The following GNAQ variants were observed in gnomAD, a reference collection of about 807,000 sequenced individuals.
GNAQ encodes the protein G protein subunit alpha q.
GNAQ carries 8 observed loss-of-function variants against 43.9 expected under a neutral mutation model. The observed-to-expected ratio is 0.18, with a 90% CI of 0.11 to 0.33. The LOEUF (loss-of-function observed/expected upper bound fraction) is 0.33, where lower values mean the gene tolerates loss of function less well. Ranked by LOEUF, GNAQ falls within the 10% of genes least tolerant of loss-of-function variation. The pLI, the probability that GNAQ is intolerant of heterozygous loss-of-function variation, is 1.00. For synonymous variants in GNAQ, 155 were observed against 170.7 expected (o/e 0.91, Z 0.71); for missense variants, 158 against 450.8 (o/e 0.35, Z 5.88).
chr9:77,934,010 GAAC>G, intron 1 of GNAQ, among the ~76,000 whole-genome samples: 1 of 152,248 alleles, frequency 6.6e-6, no homozygotes, highest in Non-Finnish European at 1.5e-5. Flanking sequence ...CCTCAAAAGA[GAAC>G]AACAAATTAC....
intron 2 of GNAQ, among the ~76,000 whole-genome samples, chr9:77,863,204 A>AAGGAAGGAAGGAAGGG (rs1395280871): frequency 6.6e-6 from 1 of 150,558 alleles, no homozygotes; most frequent in African/African-American, 2.5e-5. Context: ...GGAAGGAAGG[A>AAGGAAGGAAGGAAGGG]AGGAAGGAAG....
chr9:77,889,722 GCC>G (rs1184967567), intron 2 of GNAQ, among the ~76,000 whole-genome samples: 8 of 152,024 alleles, frequency 5.3e-5, no homozygotes, highest in Non-Finnish European at 1.0e-4. Context: ...AATGAGTCCT[GCC>G]CACTGTATTC....
intron 3 of GNAQ, among the ~76,000 whole-genome samples, chr9:77,799,491 T>C (rs1344223867): frequency 6.6e-6 from 1 of 152,206 alleles, no homozygotes; most frequent in Non-Finnish European, 1.5e-5. Context: ...ATGTGTTGGA[T>C]GGATTGATGG....
At position 77,941,255 on chromosome 9, in the gene GNAQ, C is replaced by T. The variant is rs372617305; in HGVS notation, c.137-18910G>A. On this transcript the variant is annotated intron_variant, in intron 1 of 6. Coordinates refer to ENST00000286548, the MANE Select transcript of GNAQ (RefSeq NM_002072.5). ...AAAAACTCAACAATAGCTACCATAT[C>T]TTTTTTTTTTTTGAGACAGAGTCTC... Among the ~76,000 whole-genome samples the T allele has an allele frequency of 6.4e-4, 93 of 145,934 alleles. 1 individual carries two copies. In the East Asian group the frequency reaches 0.018, roughly 29 times the overall value.
chr9:77,901,312 A>G (rs528617789), intron 2 of GNAQ, among the ~76,000 whole-genome samples: 34 of 152,230 alleles, frequency 2.2e-4, no homozygotes, highest in South Asian at 2.1e-3. Flanking sequence ...GGCTCTTTAC[A>G]ATACAATTCC....
At chr9:77,765,039 T>G (rs937129891) in intron 5 of GNAQ, among the ~76,000 whole-genome samples, 1 of 152,196 alleles carries the variant, frequency 6.6e-6, no homozygotes, top group African/African-American at 2.4e-5. Context: ...GGAATTTGTC[T>G]TCGGTTTTAT....
intron 1 of GNAQ, among the ~76,000 whole-genome samples, chr9:78,005,677 G>A (rs1823696696): frequency 6.6e-6 from 1 of 152,156 alleles, no homozygotes; most frequent in Non-Finnish European, 1.5e-5. Context: ...ACTTGGTGCA[G>A]TAGTGCATGG....
At chr9:77,878,917 A>G (rs1485386321) in intron 2 of GNAQ, among the ~76,000 whole-genome samples, 2 of 151,984 alleles carry the variant, frequency 1.3e-5, no homozygotes. Flanking sequence ...GTGGTGGTAC[A>G]TGCCTGTAAT....
intron 2 of GNAQ, among the ~76,000 whole-genome samples, chr9:77,919,672 T>C (rs779376349): frequency 6.6e-6 from 1 of 152,194 alleles, no homozygotes; most frequent in Non-Finnish European, 1.5e-5. Flanking sequence ...TCATTTGTAA[T>C]ATGAATGAAA....
At chr9:78,023,806 C>T (rs1447531287) in intron 1 of GNAQ, among the ~76,000 whole-genome samples, 1 of 151,014 alleles carries the variant, frequency 6.6e-6, no homozygotes, top group Non-Finnish European at 1.5e-5. Flanking sequence ...AGGCTATCTC[C>T]TAGAAATATA....
chr9:77,926,358 G>A (rs955085811), intron 1 of GNAQ, among the ~76,000 whole-genome samples: 2 of 151,978 alleles, frequency 1.3e-5, no homozygotes, highest in African/African-American at 4.8e-5. Context: ...TGTTTCCTAA[G>A]GCCACATGAA....
chr9:77,962,084 CAT>C (rs966635124), intron 1 of GNAQ, among the ~76,000 whole-genome samples: 7 of 151,796 alleles, frequency 4.6e-5, no homozygotes, highest in South Asian at 4.2e-4. Context: ...GAAAAGAAAA[CAT>C]ATGTGAACCT....
chr9:77,829,344 A>AT (rs1827259762), intron 2 of GNAQ, among the ~76,000 whole-genome samples: 2 of 152,084 alleles, frequency 1.3e-5, no homozygotes, highest in South Asian at 2.1e-4. Context: ...ATAATTCAAC[A>AT]TTTTTTGAGG....
intron 2 of GNAQ, among the ~76,000 whole-genome samples, chr9:77,834,918 G>A (rs1827359083): frequency 6.6e-6 from 1 of 152,176 alleles, no homozygotes; most frequent in Non-Finnish European, 1.5e-5. Flanking sequence ...GCCAAGGGCT[G>A]TCACCATACT....
intron 1 of GNAQ, among the ~76,000 whole-genome samples, chr9:78,026,675 G>C (rs1486716979): frequency 2.6e-5 from 4 of 152,092 alleles, no homozygotes; most frequent in Non-Finnish European, 4.4e-5. Context: ...ACCCACTCCA[G>C]TGAACCCTAC....
At chr9:77,774,829 T>G (rs1164190376) in intron 5 of GNAQ, among the ~76,000 whole-genome samples, 1 of 152,224 alleles carries the variant, frequency 6.6e-6, no homozygotes, top group Non-Finnish European at 1.5e-5. Flanking sequence ...AATCATTATT[T>G]CTTTAATCCA....
At chr9:77,862,926 C>A (rs1827878619) in intron 2 of GNAQ, among the ~76,000 whole-genome samples, 1 of 152,186 alleles carries the variant, frequency 6.6e-6, no homozygotes, top group African/African-American at 2.4e-5. Flanking sequence ...TGCCTGTAAT[C>A]CCAGCACTTT....
chr9:77,745,993 G>C lies in GNAQ; in HGVS notation c.736-17326C>G, dbSNP rs149967948. Among the ~76,000 whole-genome samples the C allele has an allele frequency of 1.5e-3, 227 of 152,086 alleles. 2 individuals are homozygous for C. The highest frequency in any genetic ancestry group is 4.1e-3 in the African/African-American group (172 of 41,516). On this transcript the variant is annotated intron_variant, in intron 5 of 6. Transcript: ENST00000286548. ...TCAGAATTATCTTAGATAAATAAAAGATTCTAAAAACTTTTCATAGAAAAT... is the reference window on the plus strand; with the variant it reads ...TCAGAATTATCTTAGATAAATAAAACATTCTAAAAACTTTTCATAGAAAAT...
At chr9:77,998,349 G>A (rs954541484) in intron 1 of GNAQ, among the ~76,000 whole-genome samples, 1 of 152,258 alleles carries the variant, frequency 6.6e-6, no homozygotes, top group African/African-American at 2.4e-5. Context: ...CAGATTTGAA[G>A]TGAGAATATG....
Sources: allele counts gnomAD v4.1 joint callset (sites outside exome capture counted in the v4.1 genomes callset), GRCh38; gene constraint gnomAD v4.1.1; transcripts MANE v1.5; gene names NCBI Gene and HGNC (gene_info 2026-07-23, HGNC 2026-07-21).